PGM2: variants seen among roughly 807,000 people sequenced by gnomAD.
PGM2 encodes the protein phosphoglucomutase 2, also known as phosphopentomutase.
Under a neutral mutation model 74.6 loss-of-function variants are expected in PGM2, and 57 were observed. The ratio of observed to expected loss-of-function variants is 0.76; its 90% confidence interval spans 0.62 to 0.95. The LOEUF (loss-of-function observed/expected upper bound fraction) is 0.95, where lower values mean the gene tolerates loss of function less well. Ranked by LOEUF, PGM2 falls within the 40% of genes least tolerant of loss-of-function variation. The pLI is 0.00. For synonymous variants in PGM2, 273 were observed against 260.7 expected, an observed-to-expected ratio of 1.05 and a Z score of -0.46; for missense variants, 706 against 741.9, an observed-to-expected ratio of 0.95 and a Z score of 0.56.
chr4:37,851,862 T>C (rs1229399818), intron 12 of PGM2, among the ~76,000 whole-genome samples: 4 of 152,210 alleles, frequency 2.6e-5, no homozygotes, highest in African/African-American at 9.7e-5. Flanking sequence ...GCTTTTGTTA[T>C]TATGACTAGT....
At chr4:37,847,651 AGT>A (rs1044670809) in intron 10 of PGM2, among the ~76,000 whole-genome samples, 2 of 152,200 alleles carry the variant, frequency 1.3e-5, no homozygotes, top group African/African-American at 2.4e-5. Context: ...CTCCTCCAAA[AGT>A]GCTAATGAGG....
rs1220721125 is a variant in PGM2, at chr4:37,861,526, A to G, written c.1753A>G (p.Lys585Glu). The G allele has an allele frequency of 6.2e-7, 1 of 1,611,466 alleles. No homozygotes were observed. The highest frequency in any genetic ancestry group is 1.7e-5 in the Admixed American group (1 of 59,956). ...PPGNSDPEQL[K>E]KELNELVSAI... Reference sequence around the variant, plus strand: ...ATTTTCCAGTGATCCTGAGCAGCTGAAGAAGGAACTGAATGAACTGGTCAG... The same window carrying G: ...ATTTTCCAGTGATCCTGAGCAGCTGGAGAAGGAACTGAATGAACTGGTCAG... The change falls in exon 14 of 14, where the codon AAG (lysine) becomes GAG (glutamate). Residue 585 changes from lysine (K) to glutamate (E), a missense_variant. Around this residue, in one of 3 missense-constraint regions of PGM2, gnomAD observed 359 missense variants for 371.1 expected, o/e 0.97. Transcript: ENST00000381967.
chr4:37,837,102 T>C (rs966129518), intron 3 of PGM2, among the ~76,000 whole-genome samples: 2 of 152,168 alleles, frequency 1.3e-5, no homozygotes, highest in African/African-American at 4.8e-5. Flanking sequence ...CTCTCCCTAC[T>C]AGCTGCCAGT....
In PGM2 at chr4:37,845,563, A is replaced by G; in HGVS notation, c.910-70A>G. On this transcript the variant is annotated intron_variant, in intron 7 of 13. Coordinates refer to ENST00000381967, the MANE Select transcript of PGM2 (RefSeq NM_018290.4). Reference sequence around the variant, plus strand: ...GACCTCTTGAGTTCTTAAGGAACTGAATGTTTTTAAAGACTATCATATGCT... The same window carrying G: ...GACCTCTTGAGTTCTTAAGGAACTGGATGTTTTTAAAGACTATCATATGCT... The G allele has an allele frequency of 2.9e-6, 3 of 1,051,950 alleles. No individual in the cohort carries two copies. In the Admixed American group the frequency reaches 5.2e-5, roughly 18 times the overall value. 65.2% of individuals were successfully genotyped at this position (1,051,950 alleles called of 1,614,324 possible).
chr4:37,841,213 C>A (rs1229136079), intron 6 of PGM2, among the ~76,000 whole-genome samples: 3 of 115,048 alleles, frequency 2.6e-5, no homozygotes, highest in Admixed American at 2.6e-4. Context: ...CTTTTCCCCC[C>A]AATTAATTTG....
At chr4:37,842,109 C>T (rs1295678982) in intron 6 of PGM2, among the ~76,000 whole-genome samples, 1 of 150,950 alleles carries the variant, frequency 6.6e-6, no homozygotes. Context: ...CCTATATTTT[C>T]TATGTGTTTG....
At chr4:37,859,237 C>T (rs751091299) in intron 13 of PGM2, among the ~76,000 whole-genome samples, 1 of 152,164 alleles carries the variant, frequency 6.6e-6, no homozygotes, top group Non-Finnish European at 1.5e-5. Context: ...TGCTTCACTC[C>T]TGATATTTCA....
At chr4:37,845,578 T>C in intron 7 of PGM2, 55 bp from the exon 8 acceptor site, 1 of 1,201,866 alleles carries the variant, frequency 8.3e-7, no homozygotes, top group Non-Finnish European at 1.2e-6. Flanking sequence ...TTTTAAAGAC[T>C]ATCATATGCT....
chr4:37,839,914 C>G lies in PGM2; in HGVS notation c.508C>G (p.Gln170Glu), dbSNP rs1226563083. ...IMITASHNPK[Q>E]DNGYKVYWDN... ...GATAACTGCATCTCACAATCCAAAG[C>G]AGGATAATGGTTATAAGGTATTTTC... Residue 170 changes from glutamine to glutamate, a missense_variant, in exon 5 of 14, where the codon CAG becomes GAG. Coordinates refer to ENST00000381967, the MANE Select transcript of PGM2 (RefSeq NM_018290.4). 1.3e-6 allele frequency: 2 copies of G among 1,597,522 alleles called. No homozygotes were observed. Among genetic ancestry groups the G allele is most frequent in the South Asian group, 2.2e-5 (2 of 90,718 alleles).
chr4:37,848,830 G>A (rs904358642), intron 11 of PGM2, among the ~76,000 whole-genome samples, 179 bp downstream of exon 11: 2 of 152,194 alleles, frequency 1.3e-5, no homozygotes, highest in Non-Finnish European at 2.9e-5. Context: ...AGCACTTTGG[G>A]AGGCTGAGGC....
chr4:37,828,993 G>A (rs1725368731), intron 1 of PGM2, among the ~76,000 whole-genome samples: 1 of 152,222 alleles, frequency 6.6e-6, no homozygotes, highest in African/African-American at 2.4e-5. Flanking sequence ...TTTTATTGCA[G>A]TAGTATTTCA....
At position 37,861,738 on chromosome 4, in the gene PGM2, A is replaced by G. The variant is rs1393160858; in HGVS notation, c.*126A>G. On this transcript the variant is annotated 3_prime_UTR_variant, in exon 14 of 14. Transcript: ENST00000381967. ...GTATTTATGTGTTTTACAAAGACCT[A>G]CATTCCTCATTGTTTCATGTTTGAC... 1.8e-6 allele frequency: 1 copy of G among 565,620 alleles called. No homozygotes were observed. Among genetic ancestry groups the G allele is most frequent in the East Asian group, 2.8e-5 (1 of 36,244 alleles). The allele number at this position is 565,620 out of a possible 1,614,324, so 35.0% of individuals were successfully genotyped here. A position where few individuals can be genotyped will look rare whatever the true frequency, so the allele number is the denominator to read the frequency against.
At chr4:37,857,194 T>G (rs6812086) in intron 13 of PGM2, among the ~76,000 whole-genome samples, 43,411 of 152,144 alleles carry the variant, frequency 0.29, 9,211 homozygotes, top group African/African-American at 0.59. Flanking sequence ...AAATTTAGTT[T>G]CTCAGTGGCG....
In PGM2 at chr4:37,850,322, C is replaced by T. The variant is rs1402261455; in HGVS notation, c.1551C>T (p.Ala517=). 1.9e-6 allele frequency: 3 copies of T among 1,588,384 alleles called. No individual in the cohort carries two copies. In the South Asian group the frequency reaches 3.5e-5, roughly 19 times the overall value. ...CTTGTGGCAAATTTGAAATTTCTGC[C>T]ATTAGGGACCTTACAACTGGCTATG... is the stretch of plus-strand genomic sequence containing the variant. ...PKACGKFEIS[A]IRDLTTGYDD... is the part of the protein sequence containing the mutation. The change falls in exon 12 of 14, where the codon GCC becomes GCT. Residue 517 remains alanine, a synonymous_variant. Transcript: ENST00000381967.
At chr4:37,843,203 TTC>T (rs1725778348) in intron 6 of PGM2, among the ~76,000 whole-genome samples, 1 of 152,228 alleles carries the variant, frequency 6.6e-6, no homozygotes, top group African/African-American at 2.4e-5. Flanking sequence ...GAACTCTCTA[TTC>T]TGTTCCTTTA....
intron 12 of PGM2, among the ~76,000 whole-genome samples, chr4:37,851,446 AAAG>A (rs1206870134): frequency 2.6e-5 from 4 of 151,960 alleles, no homozygotes; most frequent in Non-Finnish European, 5.9e-5. Context: ...ACTGGAGACA[AAAG>A]AAGACACAAA....
Position 37,826,738 on chromosome 4 carries a change from G to A in PGM2, c.6G>A (p.Ala2=). The stretch of plus-strand genomic sequence containing the variant: ...GCGGTAGCACAAGCTCAGCGATGGC[G>A]GCTCCAGAAGGCAGCGGTCTAGGCG... M[A]APEGSGLGED... is the part of the protein sequence containing the mutation. The change falls in exon 1 of 14, where the codon GCG becomes GCA. Residue 2 remains alanine, a synonymous_variant. Transcript: ENST00000381967. The A allele has an allele frequency of 6.5e-7, 1 of 1,549,796 alleles. No homozygotes were observed. The highest frequency in any genetic ancestry group is 1.4e-5 in the African/African-American group (1 of 73,058).
Position 37,840,060 on chromosome 4 carries a change from C to T in PGM2, c.526-6C>T, listed in dbSNP as rs1458242476. The T allele has an allele frequency of 6.2e-7, 1 of 1,610,638 alleles. No individual in the cohort carries two copies. Among genetic ancestry groups the T allele is most frequent in the Non-Finnish European group, 8.5e-7 (1 of 1,177,262 alleles). ...AACCTTCTGAATGTGTTCCTGGGTC[C>T]TCTAGGTCTATTGGGATAATGGAGC... On this transcript the variant is annotated splice_polypyrimidine_tract_variant and splice_region_variant and intron_variant, in intron 5 of 13. Coordinates refer to ENST00000381967, the MANE Select transcript of PGM2 (RefSeq NM_018290.4).
chr4:37,829,364 T>G (rs543493932), intron 1 of PGM2, among the ~76,000 whole-genome samples: 2 of 152,318 alleles, frequency 1.3e-5, no homozygotes, highest in East Asian at 3.9e-4. Flanking sequence ...GTCTACTTCT[T>G]GGAGATGTTA....
Sources: gnomAD v4.1 joint callset for allele counts (sites outside exome capture counted in the v4.1 genomes callset) on GRCh38, gnomAD v4.1.1 for gene constraint, gnomAD v4.1.1 regional missense constraint, MANE v1.5 for transcripts, NCBI Gene and HGNC (gene_info 2026-07-23, HGNC 2026-07-21) for gene names.